SDCCAG8: variants seen among roughly 807,000 people sequenced by gnomAD.
The protein encoded by SDCCAG8 is serologically defined colon cancer antigen 8.
SDCCAG8 carries 74 observed loss-of-function variants against 101.8 expected under a neutral mutation model. The observed-to-expected ratio is 0.73, with a 90% CI of 0.60 to 0.88. SDCCAG8 has a LOEUF of 0.88. SDCCAG8 is among the 40% of genes least tolerant of loss of function. The pLI, the probability that SDCCAG8 is intolerant of heterozygous loss-of-function variation, is 0.00. For missense variants in SDCCAG8, 787 were observed against 822.6 expected (o/e 0.96, Z 0.53); for synonymous variants, 281 against 292.9 (o/e 0.96, Z 0.41).
At chr1:243,491,069 G>A (rs1314836806) in intron 17 of SDCCAG8, among the ~76,000 whole-genome samples, 4 of 152,210 alleles carry the variant, frequency 2.6e-5, no homozygotes, top group African/African-American at 7.2e-5. Context: ...GGAGTCTTCC[G>A]TGGAAGCTGG....
At chr1:243,460,737 T>TA (rs1281224303) in intron 16 of SDCCAG8, among the ~76,000 whole-genome samples, 2 of 152,160 alleles carry the variant, frequency 1.3e-5, no homozygotes, top group African/African-American at 4.8e-5. Flanking sequence ...GCCACACCAA[T>TA]AAGTCCCCAG....
chr1:243,412,137 C>A (rs2080226102), intron 13 of SDCCAG8, among the ~76,000 whole-genome samples: 1 of 152,120 alleles, frequency 6.6e-6, no homozygotes, highest in South Asian at 2.1e-4. Context: ...TTTATTTGAC[C>A]CAGTGCCTAG....
chr1:243,365,691 C>T lies in SDCCAG8; in HGVS notation c.1474-13030C>T, dbSNP rs906079169. ...ACACAATAATTTTTAGTAGCAGATA[C>T]CATATCTAAAAAACTATATTTACTA... On this transcript the variant is annotated intron_variant, in intron 12 of 17. Transcript: ENST00000366541. Among the ~76,000 whole-genome samples, 3 of 152,190 alleles carry T rather than the reference C, an allele frequency of 2.0e-5. No individual in the cohort carries two copies. In the East Asian group the frequency reaches 5.8e-4, roughly 29 times the overall value.
chr1:243,484,241 C>T (rs560847437), intron 16 of SDCCAG8, among the ~76,000 whole-genome samples: 7 of 152,270 alleles, frequency 4.6e-5, no homozygotes, highest in African/African-American at 1.7e-4. Context: ...TTCCTCTGAG[C>T]AGCCTGCAGC....
intron 13 of SDCCAG8, among the ~76,000 whole-genome samples, chr1:243,386,625 C>T (rs1407094245): frequency 6.6e-6 from 1 of 152,046 alleles, no homozygotes. Flanking sequence ...TGATGGCACA[C>T]GTCCGTAGTC....
chr1:243,475,904 A>G, intron 16 of SDCCAG8: 2 of 983,262 alleles, frequency 2.0e-6, no homozygotes, highest in Non-Finnish European at 2.4e-6. Flanking sequence ...TTAAAAATTG[A>G]CTCCGCGTAT....
At chr1:243,281,922 G>A (rs1351052560) in intron 4 of SDCCAG8, among the ~76,000 whole-genome samples, 4 of 151,966 alleles carry the variant, frequency 2.6e-5, no homozygotes, top group East Asian at 3.9e-4. Context: ...CTGGGCTTAC[G>A]AGGTGTGAGC....
Position 243,432,213 on chromosome 1 carries a change from CAA to C in SDCCAG8, c.1985+5659_1985+5660del, listed in dbSNP as rs569605938. Among the ~76,000 whole-genome samples the C allele has an allele frequency of 3.4e-3, 525 of 152,194 alleles. 4 individuals carry two copies. The highest frequency in any genetic ancestry group is 6.5e-3 in the Non-Finnish European group (441 of 67,982). On this transcript the variant is annotated intron_variant, in intron 16 of 17. Transcript: ENST00000366541. The stretch of plus-strand genomic sequence containing the variant: ...TAATCTTTATCTCATAATTTAAAAA[CAA>C]AAAGAGTCCTTTGCAGGAACATGAA...
In SDCCAG8 at chr1:243,366,356, T is replaced by C. The variant is rs543582414; in HGVS notation, c.1474-12365T>C. On this transcript the variant is annotated intron_variant, in intron 12 of 17. Transcript: ENST00000366541. The stretch of plus-strand genomic sequence containing the variant: ...TTGTGTTTAGCCATATTTCTACACA[T>C]AGGGAATGGTGCAGGAGCTACACCA... Among the ~76,000 whole-genome samples, 122 of 152,094 alleles carry C rather than the reference T, an allele frequency of 8.0e-4. 1 individual carries two copies. The South Asian group carries it at 0.019, about 24-fold the overall frequency.
chr1:243,320,960 C>T (rs1355719651), intron 9 of SDCCAG8, among the ~76,000 whole-genome samples: 1 of 152,164 alleles, frequency 6.6e-6, no homozygotes, highest in Admixed American at 6.5e-5. Context: ...TGTCTAGATT[C>T]GATGTACCCT....
intron 12 of SDCCAG8, among the ~76,000 whole-genome samples, chr1:243,361,930 C>G (rs1373983902): frequency 6.6e-6 from 1 of 152,214 alleles, no homozygotes; most frequent in East Asian, 1.9e-4. Context: ...TTGTCTTATT[C>G]TCTTTTGTAT....
At chr1:243,259,593 G>A (rs1054543084) in intron 1 of SDCCAG8, among the ~76,000 whole-genome samples, 5 of 152,138 alleles carry the variant, frequency 3.3e-5, no homozygotes, top group African/African-American at 1.2e-4. Flanking sequence ...GCCGAGGCGG[G>A]CAGATCACCT....
chr1:243,498,531 G>T (rs190340404), intron 17 of SDCCAG8, among the ~76,000 whole-genome samples: 23 of 152,124 alleles, frequency 1.5e-4, no homozygotes, highest in African/African-American at 5.3e-4. Context: ...TAACTACCCT[G>T]CTGAGACCAC....
At chr1:243,320,569 T>C (rs2073670394) in intron 9 of SDCCAG8, among the ~76,000 whole-genome samples, 1 of 152,126 alleles carries the variant, frequency 6.6e-6, no homozygotes, top group South Asian at 2.1e-4. Context: ...ATGGGCTTAC[T>C]AGAGTTAGCC....
chr1:243,299,602 C>T (rs894900766), intron 6 of SDCCAG8, among the ~76,000 whole-genome samples: 5 of 151,968 alleles, frequency 3.3e-5, no homozygotes, highest in Admixed American at 2.0e-4. Flanking sequence ...TTAGTAGAGA[C>T]GGGGTTTCAT....
At chr1:243,264,880 C>A (rs2067466197) in intron 1 of SDCCAG8, among the ~76,000 whole-genome samples, 1 of 152,224 alleles carries the variant, frequency 6.6e-6, no homozygotes, top group Non-Finnish European at 1.5e-5. Context: ...AATACCCTTA[C>A]TGTCCTCTCA....
intron 4 of SDCCAG8, among the ~76,000 whole-genome samples, chr1:243,280,340 C>G (rs1200351960): frequency 6.6e-6 from 1 of 151,808 alleles, no homozygotes; most frequent in Non-Finnish European, 1.5e-5. Context: ...TTTTTCTTAA[C>G]CTGTATATAG....
intron 6 of SDCCAG8, among the ~76,000 whole-genome samples, chr1:243,296,844 T>G (rs917931780): frequency 5.3e-5 from 8 of 152,190 alleles, no homozygotes; most frequent in Admixed American, 1.3e-4. Context: ...CAACTGCTCT[T>G]TTTAAGGTCA....
In SDCCAG8 at chr1:243,325,530, C is replaced by T. The variant is rs2074086654; in HGVS notation, c.1069-5010C>T. Among the ~76,000 whole-genome samples, 5 of 151,296 alleles carry T rather than the reference C, an allele frequency of 3.3e-5. No individual in the cohort carries two copies. In the South Asian group the frequency reaches 1.0e-3, roughly 32 times the overall value. On this transcript the variant is annotated intron_variant, in intron 9 of 17. Transcript: ENST00000366541. ...TAGTGTGGCATTTGGGTATCACATG[C>T]TAAATAGAAGGAATTATATATTTAC... is the stretch of plus-strand genomic sequence containing the variant.
Sources: allele counts gnomAD v4.1 joint callset (sites outside exome capture counted in the v4.1 genomes callset), GRCh38; gene constraint gnomAD v4.1.1; transcripts MANE v1.5; gene names NCBI Gene and HGNC (gene_info 2026-07-23, HGNC 2026-07-21).